Variants in DGKD observed in about 807,000 individuals in gnomAD.
DGKD encodes DAG kinase delta.
Under a neutral mutation model 154.4 loss-of-function variants are expected in DGKD, and 68 were observed. The observed-to-expected ratio is 0.44, with a 90% CI of 0.36 to 0.54. DGKD has a LOEUF of 0.54. DGKD is among the 20% of genes least tolerant of loss of function. The pLI, the probability that DGKD is intolerant of heterozygous loss-of-function variation, is 0.00. For synonymous variants in DGKD, 693 were observed against 638.0 expected (o/e 1.09, Z -1.30); for missense variants, 1,343 against 1,593.6 (o/e 0.84, Z 2.68).
rs13389393 is a variant in DGKD, at chr2:233,451,220, T to A, written c.2167+170T>A. Among the ~76,000 whole-genome samples the A allele has an allele frequency of 9.9e-3, 1,442 of 146,358 alleles. 23 individuals are homozygous for A. Among genetic ancestry groups the A allele is most frequent in the African/African-American group, 0.03 (1,117 of 37,616 alleles). Reference sequence around the variant, plus strand: ...ATGAAAAGTGCTTTTTTTTTTTTTTTAAAAACAAAAAACAAAAAACAAAAG... The same window carrying A: ...ATGAAAAGTGCTTTTTTTTTTTTTTAAAAAACAAAAAACAAAAAACAAAAG... On this transcript the variant is annotated intron_variant, in intron 17 of 29. Transcript: ENST00000264057.
intron 29 of DGKD, among the ~76,000 whole-genome samples, 156 bp from the exon 30 acceptor site, chr2:233,469,215 T>C (rs1158759789): frequency 6.6e-6 from 1 of 152,276 alleles, no homozygotes; most frequent in East Asian, 1.9e-4. Context: ...GTTGTTACTT[T>C]TAAGCTGTTT....
rs151291673 is a variant in DGKD at position 233,362,389 on chromosome 2, G to A, written c.156+7715G>A. On this transcript the variant is annotated intron_variant, in intron 1 of 29. Transcript: ENST00000264057. ...AATGTGGCCAGGTGCAGTGACTCAC[G>A]ACTGTAATCCCAGCAGTTTTGGATG... Among the ~76,000 whole-genome samples the A allele has an allele frequency of 4.2e-3, 636 of 152,304 alleles. 2 individuals are homozygous for A. The highest frequency in any genetic ancestry group is 0.011 in the African/African-American group (460 of 41,572).
In DGKD at chr2:233,441,515, G is replaced by A. The variant is rs1437927351; in HGVS notation, c.1086-372G>A. ...GGATGGGGCAGGGACAGTGACGCAGGGTGGGCTCACATGGTTAGGGGCCAC... is the reference window on the plus strand; with the variant it reads ...GGATGGGGCAGGGACAGTGACGCAGAGTGGGCTCACATGGTTAGGGGCCAC... On this transcript the variant is annotated intron_variant, in intron 9 of 29. Transcript: ENST00000264057. The surrounding 1 kb of genome is among the most constrained non-coding windows in gnomAD (Gnocchi z 5.6). Among the ~76,000 whole-genome samples, 1 of 152,214 alleles carries A rather than the reference G, an allele frequency of 6.6e-6. No individual in the cohort carries two copies. Among genetic ancestry groups the A allele is most frequent in the Non-Finnish European group, 1.5e-5 (1 of 68,026 alleles).
intron 1 of DGKD, among the ~76,000 whole-genome samples, chr2:233,362,179 A>T (rs1701816377): frequency 6.6e-6 from 1 of 152,224 alleles, no homozygotes; most frequent in South Asian, 2.1e-4. Flanking sequence ...ACCCAGGCTG[A>T]AAAAATTGTG....
At chr2:233,360,650 AGTAGCTGGGAGC>A (rs1701737192) in intron 1 of DGKD, among the ~76,000 whole-genome samples, 1 of 152,198 alleles carries the variant, frequency 6.6e-6, no homozygotes, top group African/African-American at 2.4e-5. Context: ...CAGGCTTCTG[AGTAGCTGGGAGC>A]GTAGGCTCAA....
At chr2:233,448,208 G>A in intron 13 of DGKD, 27 bp downstream of exon 13, 1 of 1,614,064 alleles carries the variant, frequency 6.2e-7, no homozygotes, top group Non-Finnish European at 8.5e-7. Context: ...CCTGGGGAGG[G>A]CATGGTGCCC....
chr2:233,394,506 A>G (rs190623183), intron 3 of DGKD, among the ~76,000 whole-genome samples: 1 of 151,918 alleles, frequency 6.6e-6, no homozygotes, highest in Non-Finnish European at 1.5e-5. Flanking sequence ...GGCCTCCCAA[A>G]GTGCTGGGAT....
At chr2:233,392,566 G>A (rs183483921) in intron 3 of DGKD, among the ~76,000 whole-genome samples, 1 of 152,260 alleles carries the variant, frequency 6.6e-6, no homozygotes, top group Non-Finnish European at 1.5e-5. Flanking sequence ...TGATTTCAGA[G>A]TTAAACCAAC....
At position 233,457,387 on chromosome 2, in the gene DGKD, C is replaced by A; in HGVS notation, c.2580+59C>A. On this transcript the variant is annotated intron_variant, in intron 21 of 29. Transcript: ENST00000264057. This position sits in a 1 kb window ranked among gnomAD's most constrained non-coding sequence, Gnocchi z 5.5. ...TCAGTGGGGAAGAGCTGTCTGAGAG[C>A]AGGGGGGTGTTCTGCTGTGGCTGGG... 7.8e-7 allele frequency: 1 copy of A among 1,277,832 alleles called. No individual in the cohort carries two copies. The highest frequency in any genetic ancestry group is 1.1e-6 in the Non-Finnish European group (1 of 879,002). 79.2% of individuals were successfully genotyped at this position (1,277,832 alleles called of 1,614,324 possible).
At chr2:233,435,988 C>A (rs1486592235) in intron 6 of DGKD, 64 bp downstream of exon 6, 11 of 1,460,672 alleles carry the variant, frequency 7.5e-6, no homozygotes, top group Non-Finnish European at 1.0e-5. Flanking sequence ...CGGCCCCATG[C>A]AAGCCTCCTC....
chr2:233,371,782 G>A (rs1453479795), intron 1 of DGKD, among the ~76,000 whole-genome samples: 2 of 152,220 alleles, frequency 1.3e-5, no homozygotes, highest in African/African-American at 4.8e-5. Flanking sequence ...ACCAGCTGTT[G>A]AAGAGGAGCG....
chr2:233,435,940 C>A lies in DGKD; in HGVS notation c.693+16C>A. On this transcript the variant is annotated intron_variant, in intron 6 of 29. Transcript: ENST00000264057. ...TGCAGATGGGGTATGTTAAGAAATACCACCTGTGGGGCCCTGAGCCAGGGT... is the reference window on the plus strand; with the variant it reads ...TGCAGATGGGGTATGTTAAGAAATAACACCTGTGGGGCCCTGAGCCAGGGT... The A allele has an allele frequency of 6.3e-7, 1 of 1,594,150 alleles. No individual in the cohort carries two copies. Among genetic ancestry groups the A allele is most frequent in the Non-Finnish European group, 8.6e-7 (1 of 1,168,976 alleles).
At chr2:233,411,884 A>G (rs1003078955) in intron 3 of DGKD, among the ~76,000 whole-genome samples, 3 of 152,158 alleles carry the variant, frequency 2.0e-5, no homozygotes, top group African/African-American at 7.2e-5. Context: ...TCCATTCCTC[A>G]TTTAATTACC....
intron 3 of DGKD, among the ~76,000 whole-genome samples, chr2:233,422,032 C>T (rs1432459669): frequency 2.6e-5 from 4 of 152,240 alleles, no homozygotes; most frequent in South Asian, 2.1e-4. Flanking sequence ...GGCAGAAGGA[C>T]CTTGAGGCCC....
chr2:233,412,538 A>C (rs1434797379), intron 3 of DGKD, among the ~76,000 whole-genome samples: 1 of 152,164 alleles, frequency 6.6e-6, no homozygotes, highest in Non-Finnish European at 1.5e-5. Flanking sequence ...ATCATTTGCA[A>C]ATAGGGACAG....
intron 27 of DGKD, among the ~76,000 whole-genome samples, chr2:233,464,593 C>T (rs1282041591): frequency 2.0e-5 from 3 of 152,084 alleles, no homozygotes; most frequent in African/African-American, 4.8e-5. Context: ...CCCACAGCCT[C>T]CCCCGAGGGT....
At chr2:233,384,909 G>A (rs1278118038) in intron 1 of DGKD, among the ~76,000 whole-genome samples, 1 of 152,120 alleles carries the variant, frequency 6.6e-6, no homozygotes, top group East Asian at 1.9e-4. Flanking sequence ...TGTTGTCTCA[G>A]GCAGCTCCCT....
chr2:233,364,548 G>A (rs1701934342), intron 1 of DGKD, among the ~76,000 whole-genome samples: 1 of 152,188 alleles, frequency 6.6e-6, no homozygotes, highest in African/African-American at 2.4e-5. Context: ...TTTCCAGGAA[G>A]AAGAACAAAG....
At chr2:233,462,081 G>A (rs1304062883) in intron 24 of DGKD, among the ~76,000 whole-genome samples, 2 of 152,210 alleles carry the variant, frequency 1.3e-5, no homozygotes, top group Non-Finnish European at 2.9e-5. Flanking sequence ...CAGGTTGTAA[G>A]CCTCATTTTG....
Sources: allele counts gnomAD v4.1 joint callset (sites outside exome capture counted in the v4.1 genomes callset), GRCh38; gene constraint gnomAD v4.1.1; non-coding constraint Gnocchi (gnomAD v3.1); transcripts MANE v1.5; gene names NCBI Gene and HGNC (gene_info 2026-07-23, HGNC 2026-07-21).